The following TNK1 variants were observed in gnomAD, a reference collection of about 807,000 sequenced individuals.
The protein encoded by TNK1 is tyrosine kinase non receptor 1.
In TNK1, 53 loss-of-function variants were observed where a neutral mutation model predicts 65.2. That is an observed-to-expected ratio of 0.81 (90% CI 0.65 to 1.02). The LOEUF (loss-of-function observed/expected upper bound fraction) is 1.02, where lower values mean the gene tolerates loss of function less well. TNK1 is among the 50% of genes least tolerant of loss of function. The pLI, the probability that TNK1 is intolerant of heterozygous loss-of-function variation, is 0.00. For missense variants in TNK1, 837 were observed against 878.4 expected, an observed-to-expected ratio of 0.95 and a Z score of 0.60; for synonymous variants, 353 against 364.6, an observed-to-expected ratio of 0.97 and a Z score of 0.36.
intron 7 of TNK1, 149 bp from the exon 8 acceptor site, chr17:7,386,412 C>T (rs946206048): frequency 1.5e-5 from 9 of 620,324 alleles, no homozygotes; most frequent in African/African-American, 3.7e-5. Context: ...CTGCCTCCCT[C>T]ACTGAATTAC....
Position 7,383,714 on chromosome 17 carries a change from A to G in TNK1, c.432A>G (p.Pro144=). The change falls in exon 5 of 13, where the codon CCA becomes CCG. Residue 144 remains proline, a synonymous_variant. Coordinates refer to ENST00000688331, the MANE Select transcript of TNK1 (RefSeq NM_003985.6). ...LWTLPSGKSV[P]VAVKSLRVGP... is the part of the protein sequence containing the mutation. The stretch of plus-strand genomic sequence containing the variant: ...GCGCTTCCCCCCACCTCCAGGTCCC[A>G]GTGGCTGTCAAGTCCCTCCGGGTAG... 1 of 1,611,960 alleles carries G rather than the reference A, an allele frequency of 6.2e-7. No individual in the cohort carries two copies. The highest frequency in any genetic ancestry group is 8.5e-7 in the Non-Finnish European group (1 of 1,179,006).
Position 7,382,836 on chromosome 17 carries a change from G to C in TNK1, c.-91G>C. On this transcript the variant is annotated splice_region_variant and 5_prime_UTR_variant, in exon 2 of 13. Transcript: ENST00000688331. This position sits in a 1 kb window ranked among gnomAD's most constrained non-coding sequence, Gnocchi z 4.1. ...CCTGAGTGTTTCTAATGACTTGCAG[G>C]TGGAGCTGGAGACCTGGTCTCTCTA... is the stretch of plus-strand genomic sequence containing the variant. The C allele has an allele frequency of 7.1e-7, 1 of 1,403,872 alleles. No individual in the cohort carries two copies. The highest frequency in any genetic ancestry group is 9.8e-7 in the Non-Finnish European group (1 of 1,025,228). 87.0% of individuals were successfully genotyped at this position (1,403,872 alleles called of 1,614,324 possible).
rs1904896563 is a variant in TNK1, at chr17:7,382,835, G to A, written c.-91-1G>A. The A allele has an allele frequency of 1.4e-6, 2 of 1,397,796 alleles. No individual in the cohort carries two copies. Among genetic ancestry groups the A allele is most frequent in the Non-Finnish European group, 2.0e-6 (2 of 1,020,182 alleles). The allele number at this position is 1,397,796 out of a possible 1,614,324, so 86.6% of individuals were successfully genotyped here. ...ACCTGAGTGTTTCTAATGACTTGCAGGTGGAGCTGGAGACCTGGTCTCTCT... is the reference window on the plus strand; with the variant it reads ...ACCTGAGTGTTTCTAATGACTTGCAAGTGGAGCTGGAGACCTGGTCTCTCT... On this transcript the variant is annotated splice_acceptor_variant, in intron 1 of 12. Coordinates refer to ENST00000688331, the MANE Select transcript of TNK1 (RefSeq NM_003985.6). LOFTEE classifies it low-confidence loss of function (5UTR_SPLICE). This position sits in a 1 kb window ranked among gnomAD's most constrained non-coding sequence, Gnocchi z 4.1.
intron 7 of TNK1, among the ~76,000 whole-genome samples, chr17:7,385,099 T>C (rs1905106510): frequency 6.6e-6 from 1 of 152,058 alleles, no homozygotes; most frequent in African/African-American, 2.4e-5. Flanking sequence ...GCGCGGTGGC[T>C]CACGTCTCTA....
intron 9 of TNK1, 46 bp downstream of exon 9, chr17:7,387,200 AT>A (rs769698193): frequency 1.3e-6 from 2 of 1,522,586 alleles, no homozygotes; most frequent in Non-Finnish European, 1.8e-6. Flanking sequence ...GGGAGAACTG[AT>A]GAGGTCCAGG....
rs945463038 is a variant in TNK1 at position 7,382,353 on chromosome 17, C to A, written c.-91-483C>A. Among the ~76,000 whole-genome samples the A allele has an allele frequency of 2.0e-5, 3 of 151,682 alleles. No individual in the cohort carries two copies. The highest frequency in any genetic ancestry group is 4.4e-5 in the Non-Finnish European group (3 of 67,978). On this transcript the variant is annotated intron_variant, in intron 1 of 12. Transcript: ENST00000688331. This position sits in a 1 kb window ranked among gnomAD's most constrained non-coding sequence, Gnocchi z 4.1. ...AGGTCTCAGTGTGTGTGTGTGGCAG[C>A]ATGTGGGAGGCAGTGTACCTTCGTG...
rs375689433 is a variant in TNK1 at position 7,387,572 on chromosome 17, C to T, written c.1477+115C>T. On this transcript the variant is annotated intron_variant, in intron 10 of 12. Transcript: ENST00000688331. ...ATTATTTCCTTCCTCTGAATTCTGT[C>T]TGCTGGCATCCTAGCTATACTGTGC... 1,030 of 845,744 alleles carry T rather than the reference C, an allele frequency of 1.2e-3. 18 individuals carry two copies. In the South Asian group the frequency reaches 0.018, roughly 14 times the overall value. 52.4% of individuals were successfully genotyped at this position (845,744 alleles called of 1,614,324 possible).
At chr17:7,386,948 T>C (rs2143142168) in intron 8 of TNK1, 42 bp from the exon 9 acceptor site, 2 of 1,508,046 alleles carry the variant, frequency 1.3e-6, no homozygotes. Flanking sequence ...CCCTAACTCT[T>C]GCCCTTATTC....
rs1567649097 is a variant in TNK1, at chr17:7,388,761, G to A, written c.1777-27G>A. 4 of 1,604,338 alleles carry A rather than the reference G, an allele frequency of 2.5e-6. No homozygotes were observed. Among genetic ancestry groups the A allele is most frequent in the Non-Finnish European group, 3.4e-6 (4 of 1,174,794 alleles). On this transcript the variant is annotated intron_variant, in intron 11 of 12. Coordinates refer to ENST00000688331, the MANE Select transcript of TNK1 (RefSeq NM_003985.6). This position sits in a 1 kb window ranked among gnomAD's most constrained non-coding sequence, Gnocchi z 4.5. ...GAAGGGGCTACAGGCAGGGGCAGGG[G>A]CCTGAGTGAGGCTTTGTCTGTCACA...
Position 7,384,573 on chromosome 17 carries a change from G to T in TNK1, c.956G>T (p.Gly319Val). The T allele has an allele frequency of 6.2e-7, 1 of 1,611,980 alleles. No individual in the cohort carries two copies. The change falls in exon 7 of 13, where the codon GGG (glycine) becomes GTG (valine). Residue 319 changes from glycine to valine, a missense_variant. By Grantham distance (109) the Gly-to-Val change is moderately radical. Coordinates refer to ENST00000688331, the MANE Select transcript of TNK1 (RefSeq NM_003985.6). The stretch of plus-strand genomic sequence containing the variant: ...GTGACGCTGTGGGAGATGTTCTCCG[G>T]GGGCGAGGAACCCTGGGCCGGGGTC... Reference protein sequence around the residue: ...FGVTLWEMFSGGEEPWAGVPP... With the variant: ...FGVTLWEMFSVGEEPWAGVPP...
rs548811199 is a variant in TNK1, at chr17:7,388,009, A to C, written c.1478-397A>C. 6.6e-6 allele frequency among the ~76,000 whole-genome samples: 1 copy of C among 152,328 alleles called. No individual in the cohort carries two copies. The highest frequency in any genetic ancestry group is 6.5e-5 in the Admixed American group (1 of 15,308). ...TCTGAGTTCTCTGGGCCCTCCGCCT[A>C]GGCCTTGGTGTCCACTTGCCCATCT... On this transcript the variant is annotated intron_variant, in intron 10 of 12. Coordinates refer to ENST00000688331, the MANE Select transcript of TNK1 (RefSeq NM_003985.6). The surrounding 1 kb of genome is among the most constrained non-coding windows in gnomAD (Gnocchi z 4.5).
chr17:7,388,448 G>A lies in TNK1; in HGVS notation c.1520G>A (p.Arg507His), dbSNP rs369367062. 119 of 1,613,530 alleles carry A rather than the reference G, an allele frequency of 7.4e-5. 1 individual carries two copies. Among genetic ancestry groups the A allele is most frequent in the South Asian group, 3.6e-4 (33 of 91,076 alleles). Residue 507 changes from arginine to histidine, a missense_variant, in exon 11 of 13, where the codon CGT becomes CAT. Transcript: ENST00000688331. The surrounding 1 kb of genome is among the most constrained non-coding windows in gnomAD (Gnocchi z 4.5). ...GAGTCAGTTCTGTCCCTCGGTCCTC[G>A]TCCCACAGGGGGTGGTTCAAGCCCC... ...SLESVLSLGP[R>H]PTGGGSSPPE...
rs1905062561 is a variant in TNK1, at chr17:7,384,520, G to A, written c.903G>A (p.Ser301=). The part of the protein sequence containing the change: ...APESLRHGAF[S]SASDVWMFGV... ...AGAGCCTGCGCCACGGAGCCTTCTCGTCTGCCTCGGACGTGTGGATGTTTG... is the reference window on the plus strand; with the variant it reads ...AGAGCCTGCGCCACGGAGCCTTCTCATCTGCCTCGGACGTGTGGATGTTTG... Residue 301 remains serine, a synonymous_variant, in exon 7 of 13, where the codon TCG becomes TCA. Coordinates refer to ENST00000688331, the MANE Select transcript of TNK1 (RefSeq NM_003985.6). 1.3e-6 allele frequency: 2 copies of A among 1,592,480 alleles called. No homozygotes were observed. The highest frequency in any genetic ancestry group is 1.3e-5 in the African/African-American group (1 of 74,626).
intron 8 of TNK1, 127 bp from the exon 9 acceptor site, chr17:7,386,863 A>G: frequency 7.5e-7 from 1 of 1,327,358 alleles, no homozygotes; most frequent in Non-Finnish European, 1.0e-6. Context: ...CATTAGGGAA[A>G]AGGCTTCCCT....
chr17:7,385,506 A>G (rs1353273813), intron 7 of TNK1, among the ~76,000 whole-genome samples: 1 of 152,136 alleles, frequency 6.6e-6, no homozygotes, highest in East Asian at 1.9e-4. Context: ...TGCACTTTAC[A>G]TGGGCGCTTA....
chr17:7,381,955 G>A (rs1033761150), intron 1 of TNK1, among the ~76,000 whole-genome samples: 1 of 152,248 alleles, frequency 6.6e-6, no homozygotes, highest in African/African-American at 2.4e-5. Context: ...GCCGCATGCT[G>A]AAATGTCTCA....
At chr17:7,386,903 A>G in intron 8 of TNK1, 87 bp from the exon 9 acceptor site, 1 of 1,449,524 alleles carries the variant, frequency 6.9e-7, no homozygotes, top group Non-Finnish European at 9.2e-7. Flanking sequence ...TCCAAGGCAC[A>G]TAGCCTAGTG....
At chr17:7,385,305 C>T (rs923342930) in intron 7 of TNK1, among the ~76,000 whole-genome samples, 5 of 148,234 alleles carry the variant, frequency 3.4e-5, no homozygotes, top group Admixed American at 6.8e-5. Context: ...GCAGAGGTTG[C>T]GGTGAGCCGA....
In TNK1 at chr17:7,383,321, G is replaced by T; in HGVS notation, c.234+1G>T. On this transcript the variant is annotated splice_donor_variant, in intron 3 of 12. Coordinates refer to ENST00000688331, the MANE Select transcript of TNK1 (RefSeq NM_003985.6). LOFTEE classifies it high-confidence loss of function. ...TAAGTCTAAGAACTGGGTCTACAAG[G>T]TGTGTGTTGTAGGTGGGCAGCTTGG... The T allele has an allele frequency of 6.2e-7, 1 of 1,614,036 alleles. No individual in the cohort carries two copies. Among genetic ancestry groups the T allele is most frequent in the Non-Finnish European group, 8.5e-7 (1 of 1,179,894 alleles).
Sources: gnomAD v4.1 joint callset for allele counts (sites outside exome capture counted in the v4.1 genomes callset) on GRCh38, gnomAD v4.1.1 for gene constraint, Gnocchi (gnomAD v3.1) non-coding constraint, MANE v1.5 for transcripts, NCBI Gene and HGNC (gene_info 2026-07-23, HGNC 2026-07-21) for gene names.